CAPZB: variants seen among roughly 807,000 people sequenced by gnomAD.
CAPZB encodes capping actin protein of muscle Z-line subunit beta, also known as F-actin-capping protein subunit beta.
In CAPZB, 2 loss-of-function variants were observed where a neutral mutation model predicts 38.1. The observed-to-expected ratio is 0.05, with a 90% CI of 0.02 to 0.17. CAPZB has a LOEUF of 0.17. Ranked by LOEUF, CAPZB falls within the 10% of genes least tolerant of loss-of-function variation. CAPZB has a pLI of 1.00. For missense variants in CAPZB, 161 were observed against 334.2 expected (o/e 0.48, Z 4.04); for synonymous variants, 107 against 127.4 (o/e 0.84, Z 1.08).
intron 2 of CAPZB, among the ~76,000 whole-genome samples, chr1:19,389,514 G>GC (rs2094221250): frequency 6.6e-6 from 1 of 151,770 alleles, no homozygotes; most frequent in Non-Finnish European, 1.5e-5. Flanking sequence ...TGCAAGCTCC[G>GC]CCTCCCAGGT....
intron 1 of CAPZB, among the ~76,000 whole-genome samples, chr1:19,431,584 GGT>G (rs2094441871): frequency 1.4e-5 from 2 of 141,182 alleles, no homozygotes; most frequent in Non-Finnish European, 3.2e-5. Flanking sequence ...AGCTGGGCGT[GGT>G]GGCGGGCGCC....
intron 1 of CAPZB, among the ~76,000 whole-genome samples, chr1:19,469,611 C>T (rs6672955): frequency 0.47 from 71,742 of 151,508 alleles, 18,118 homozygotes; most frequent in Non-Finnish European, 0.56. Context: ...AGTGAGGCGG[C>T]GGCCACGGAG....
At chr1:19,359,210 C>CTT (rs57251931) in intron 4 of CAPZB, among the ~76,000 whole-genome samples, 5,492 of 114,140 alleles carry the variant, frequency 0.048, 216 homozygotes, top group African/African-American at 0.056. Flanking sequence ...TCTCTGTACT[C>CTT]TTTTTTTTTT....
chr1:19,346,690 A>C (rs898823152), intron 6 of CAPZB, among the ~76,000 whole-genome samples: 6 of 151,694 alleles, frequency 4.0e-5, no homozygotes, highest in Non-Finnish European at 7.4e-5. Flanking sequence ...CCTGGTTAAG[A>C]GCGGGGTGAG....
At chr1:19,436,703 C>T (rs534433807) in intron 1 of CAPZB, among the ~76,000 whole-genome samples, 2 of 152,276 alleles carry the variant, frequency 1.3e-5, no homozygotes, top group African/African-American at 2.4e-5. Context: ...ATACATTATA[C>T]TGTTATTTTA....
At chr1:19,465,242 T>A (rs2094565228) in intron 1 of CAPZB, among the ~76,000 whole-genome samples, 1 of 151,764 alleles carries the variant, frequency 6.6e-6, no homozygotes, top group Admixed American at 6.6e-5. Context: ...CTTTAAGAGG[T>A]GATTAGATCA....
At chr1:19,369,188 C>T (rs1037819493) in intron 4 of CAPZB, among the ~76,000 whole-genome samples, 1 of 152,252 alleles carries the variant, frequency 6.6e-6, no homozygotes, top group Non-Finnish European at 1.5e-5. Context: ...AGACACTGGC[C>T]TGCAGCCTTG....
At chr1:19,371,169 CAG>C (rs1421235579) in intron 4 of CAPZB, among the ~76,000 whole-genome samples, 1 of 152,190 alleles carries the variant, frequency 6.6e-6, no homozygotes, top group African/African-American at 2.4e-5. Flanking sequence ...ATTTTTGAGA[CAG>C]AGATTTCCTG....
chr1:19,409,797 T>C (rs1474164382), intron 2 of CAPZB, among the ~76,000 whole-genome samples: 1 of 152,254 alleles, frequency 6.6e-6, no homozygotes, highest in Non-Finnish European at 1.5e-5. Flanking sequence ...TGTAAACTTC[T>C]AAGTTAAATT....
intron 1 of CAPZB, among the ~76,000 whole-genome samples, chr1:19,421,547 A>G (rs1225771430): frequency 2.0e-5 from 3 of 152,268 alleles, no homozygotes; most frequent in African/African-American, 7.2e-5. Flanking sequence ...GCCAGCAACC[A>G]TGAATTCCCT....
intron 1 of CAPZB, among the ~76,000 whole-genome samples, chr1:19,483,505 G>A (rs1202986784): frequency 6.6e-6 from 1 of 152,252 alleles, no homozygotes; most frequent in Non-Finnish European, 1.5e-5. Context: ...GTGACTGGCA[G>A]ACAGTTCCTC....
intron 6 of CAPZB, among the ~76,000 whole-genome samples, chr1:19,352,011 C>A (rs1417293942): frequency 6.6e-6 from 1 of 152,196 alleles, no homozygotes; most frequent in African/African-American, 2.4e-5. Context: ...TCAAGCATCT[C>A]CACCCCTGAA....
intron 1 of CAPZB, among the ~76,000 whole-genome samples, chr1:19,442,932 G>A (rs1268029008): frequency 6.6e-6 from 1 of 152,140 alleles, no homozygotes; most frequent in East Asian, 1.9e-4. Context: ...TGGTGCTGAA[G>A]GAGGCCTTCG....
At chr1:19,408,582 A>C (rs1177608221) in intron 2 of CAPZB, among the ~76,000 whole-genome samples, 2 of 152,192 alleles carry the variant, frequency 1.3e-5, no homozygotes, top group Non-Finnish European at 2.9e-5. Flanking sequence ...GCCTGAGAGA[A>C]ACTGAGGTCT....
chr1:19,479,542 C>T (rs1211928762), intron 1 of CAPZB, among the ~76,000 whole-genome samples: 1 of 152,178 alleles, frequency 6.6e-6, no homozygotes. Context: ...TGGGGCAGAC[C>T]CCCTCAGCTC....
rs181309399 is a variant in CAPZB, at chr1:19,369,755, G to A, written c.329+8785C>T. 2.3e-3 allele frequency among the ~76,000 whole-genome samples: 349 copies of A among 152,342 alleles called. 2 individuals carry two copies. Among genetic ancestry groups the A allele is most frequent in the African/African-American group, 8.3e-3 (345 of 41,570 alleles). On this transcript the variant is annotated intron_variant, in intron 4 of 8. Transcript: ENST00000264202. ...ACAGACCTCGCTGAAGGGACAGGGA[G>A]TGAAGGGGGATGTCCCCAACCAAAC...
chr1:19,456,115 TTGGCCAGGC>T (rs2094532418), intron 1 of CAPZB, among the ~76,000 whole-genome samples: 2 of 152,208 alleles, frequency 1.3e-5, no homozygotes, highest in South Asian at 4.1e-4. Flanking sequence ...TTTTGCCATG[TTGGCCAGGC>T]TGGCCTTGAA....
chr1:19,420,540 C>A (rs2094397323), intron 1 of CAPZB, among the ~76,000 whole-genome samples: 1 of 148,210 alleles, frequency 6.7e-6, no homozygotes, highest in Non-Finnish European at 1.5e-5. Context: ...CCTCAGCCTC[C>A]AAAGTAGCTG....
chr1:19,373,448 C>G (rs541124694), intron 4 of CAPZB, among the ~76,000 whole-genome samples: 18 of 152,262 alleles, frequency 1.2e-4, no homozygotes, highest in Admixed American at 3.3e-4. Context: ...AAAGTCAGAG[C>G]CTTTACAGAG....
Sources: allele counts gnomAD v4.1 joint callset (sites outside exome capture counted in the v4.1 genomes callset), GRCh38; gene constraint gnomAD v4.1.1; transcripts MANE v1.5; gene names NCBI Gene and HGNC (gene_info 2026-07-23, HGNC 2026-07-21).